Variants in ZNF385A observed in about 807,000 individuals in gnomAD.
ZNF385A encodes hematopoietic zinc finger protein.
A neutral mutation model predicts 32.1 loss-of-function variants in ZNF385A; 14 were observed. The ratio of observed to expected loss-of-function variants is 0.44; its 90% CI spans 0.29 to 0.68. The LOEUF is 0.68. Among genes scored for constraint, ZNF385A ranks in the 30% least tolerant of loss-of-function variants. The pLI, the probability that ZNF385A is intolerant of heterozygous loss-of-function variation, is 0.14. For missense variants in ZNF385A, 406 were observed against 478.4 expected (o/e 0.85, Z 1.41); for synonymous variants, 197 against 202.7 (o/e 0.97, Z 0.24).
At chr12:54,382,492 C>T (rs536639945) in intron 1 of ZNF385A, among the ~76,000 whole-genome samples, 1 of 152,248 alleles carries the variant, frequency 6.6e-6, no homozygotes, top group Non-Finnish European at 1.5e-5. Context: ...CAAATCATAC[C>T]TTAGGCACAT....
chr12:54,373,330 G>A (rs948516599), intron 3 of ZNF385A, among the ~76,000 whole-genome samples: 1 of 152,070 alleles, frequency 6.6e-6, no homozygotes, highest in Admixed American at 6.5e-5. Flanking sequence ...CAGGATGGGG[G>A]TGGCTCATCA....
Position 54,375,936 on chromosome 12 carries a change from C to A in ZNF385A, c.106G>T (p.Ala36Ser). The A allele has an allele frequency of 6.2e-7, 1 of 1,614,120 alleles. No individual in the cohort carries two copies. Among genetic ancestry groups the A allele is most frequent in the Non-Finnish European group, 8.5e-7 (1 of 1,180,004 alleles). ...NYSTMDPVQK[A>S]VLSHTFGGPL... ...CCCCCAAAAGTGTGGGAGAGCACAG[C>A]CTTCTGCACAGGGTCCATCTGTGGA... is the stretch of plus-strand genomic sequence containing the variant. The change falls in exon 2 of 7, where the codon GCT becomes TCT. Residue 36 changes from alanine to serine, a missense_variant. By Grantham distance (99) the Ala-to-Ser change is moderately conservative. Coordinates refer to ENST00000394313, the MANE Select transcript of ZNF385A (RefSeq NM_015481.3).
chr12:54,374,104 C>T lies in ZNF385A; in HGVS notation c.230G>A (p.Arg77His). 6.3e-7 allele frequency: 1 copy of T among 1,581,816 alleles called. No individual in the cohort carries two copies. The highest frequency in any genetic ancestry group is 2.3e-5 in the East Asian group (1 of 44,080). ...SQAEAHYKGN[R>H]HARRVKGIEA... ...AATGCCTTTGACTCGTCGGGCGTGG[C>T]GATTACCTTTGTAGTGCGCCTCAGC... The change falls in exon 3 of 7, where the codon CGC becomes CAC. Residue 77 changes from arginine (R) to histidine (H), a missense_variant. Arg to His is a conservative substitution (Grantham distance 29). Coordinates refer to ENST00000394313, the MANE Select transcript of ZNF385A (RefSeq NM_015481.3).
At chr12:54,379,263 G>C (rs1955012991) in intron 1 of ZNF385A, 1 of 911,942 alleles carries the variant, frequency 1.1e-6, no homozygotes, top group African/African-American at 1.8e-5. Flanking sequence ...GCGGGGCCGA[G>C]GACGGGGGCG....
rs1313109896 is a variant in ZNF385A at position 54,375,094 on chromosome 12, A to G, written c.198+750T>C. 4.0e-5 allele frequency among the ~76,000 whole-genome samples: 6 copies of G among 151,658 alleles called. 1 individual carries two copies. The highest frequency in any genetic ancestry group is 2.0e-4 in the Admixed American group (3 of 15,240). Reference sequence around the variant, plus strand: ...TGTGTGTGTGTGTGTGTGTCTCTGTACTGGGTAGAGAAACAGAACATGCTT... The same window carrying G: ...TGTGTGTGTGTGTGTGTGTCTCTGTGCTGGGTAGAGAAACAGAACATGCTT... On this transcript the variant is annotated intron_variant, in intron 2 of 6. Coordinates refer to ENST00000394313, the MANE Select transcript of ZNF385A (RefSeq NM_015481.3).
chr12:54,379,599 C>G (rs1031342965), intron 1 of ZNF385A, among the ~76,000 whole-genome samples: 2 of 152,104 alleles, frequency 1.3e-5, no homozygotes, highest in African/African-American at 4.8e-5. Context: ...AACGGCGGCC[C>G]CTATGCTGCT....
In ZNF385A at chr12:54,374,030, C is replaced by T. The variant is rs773862097; in HGVS notation, c.304G>A (p.Asp102Asn). ...GGGGTGCTGCCTGGGGGAGCTGGGT[C>T]TCCAGGTTCTCGGACGCCAGGCTCC... is the stretch of plus-strand genomic sequence containing the variant. ...GREPGVREPG[D>N]PAPPGSTPTN... Residue 102 changes from aspartate (D) to asparagine (N), a missense_variant, in exon 3 of 7, where the codon GAC (aspartate) becomes AAC (asparagine). Physicochemically the swap from Asp to Asn is conservative, Grantham distance 23. Coordinates refer to ENST00000394313, the MANE Select transcript of ZNF385A (RefSeq NM_015481.3). 4 of 1,599,138 alleles carry T rather than the reference C, an allele frequency of 2.5e-6. No individual in the cohort carries two copies. The African/African-American group carries it at 4.0e-5, about 16-fold the overall frequency.
At chr12:54,391,054 AAAGAGGGG>A (rs942043837) in intron 1 of ZNF385A, among the ~76,000 whole-genome samples, 41 of 151,938 alleles carry the variant, frequency 2.7e-4, no homozygotes, top group African/African-American at 9.4e-4. Flanking sequence ...GCAGCCTGGG[AAAGAGGGG>A]AAGAGGGGAA....
intron 3 of ZNF385A, among the ~76,000 whole-genome samples, chr12:54,372,011 C>T (rs1200312887): frequency 6.6e-6 from 1 of 152,202 alleles, no homozygotes; most frequent in Non-Finnish European, 1.5e-5. Flanking sequence ...GGGGGAGAGG[C>T]ATGCAACAAG....
At chr12:54,388,046 A>T (rs1044291214), upstream of ZNF385A, among the ~76,000 whole-genome samples, 3 of 140,426 alleles carry the variant, frequency 2.1e-5, no homozygotes, top group Non-Finnish European at 3.1e-5. Context: ...AGTGTGTGTA[A>T]GTGTGTGTGT....
rs375778385 is a variant in ZNF385A, at chr12:54,384,529, G to A, written c.-15C>T. Reference sequence around the variant, plus strand: ...GGGGGCTGCATGATCGGGGGCTGCCGTAGCAGAGGCAGGGGCCCTGCCCGG... The same window carrying A: ...GGGGGCTGCATGATCGGGGGCTGCCATAGCAGAGGCAGGGGCCCTGCCCGG... On this transcript the variant is annotated 5_prime_UTR_variant, in exon 1 of 7. In the 5' UTR this introduces an upstream ATG that the reference lacks. Coordinates refer to ENST00000394313, the MANE Select transcript of ZNF385A (RefSeq NM_015481.3). 11 of 1,513,466 alleles carry A rather than the reference G, an allele frequency of 7.3e-6. No individual in the cohort carries two copies. Among genetic ancestry groups the A allele is most frequent in the East Asian group, 5.1e-5 (2 of 38,996 alleles). 93.8% of individuals were successfully genotyped at this position (1,513,466 alleles called of 1,614,324 possible).
In ZNF385A at chr12:54,370,140, G is replaced by C. The variant is rs570607338; in HGVS notation, c.*116C>G. ...CCTGGAACCCCGTATCTCGGGGTGG[G>C]GGGGGGGAAGGAGAGATCATTTAGG... On this transcript the variant is annotated 3_prime_UTR_variant, in exon 7 of 7. Transcript: ENST00000394313. This position sits in a 1 kb window ranked among gnomAD's most constrained non-coding sequence, Gnocchi z 5.5. 1.8e-5 allele frequency: 14 copies of C among 782,726 alleles called. No individual in the cohort carries two copies. The Admixed American group carries it at 1.9e-4, about 11-fold the overall frequency. 48.5% of individuals were successfully genotyped at this position (782,726 alleles called of 1,614,324 possible). A position where few individuals can be genotyped will look rare whatever the true frequency, so the allele number is the denominator to read the frequency against.
rs1175568031 is a variant in ZNF385A at position 54,371,598 on chromosome 12, G to T, written c.479C>A (p.Thr160Asn). The T allele has an allele frequency of 2.5e-6, 4 of 1,613,616 alleles. No individual in the cohort carries two copies. The South Asian group carries it at 3.3e-5, about 13-fold the overall frequency. The change falls in exon 4 of 7, where the codon ACT (threonine) becomes AAT (asparagine). Residue 160 changes from threonine to asparagine, a missense_variant. By Grantham distance (65) the Thr-to-Asn change is moderately conservative. Coordinates refer to ENST00000394313, the MANE Select transcript of ZNF385A (RefSeq NM_015481.3). ...GQGVTKGEGG[T>N]PAPASLPGGS... ...CCCAGGCAAGGAAGCCGGGGCTGGA[G>T]TCCCCCCTTCACCCTTGGTTACACC...
intron 1 of ZNF385A, 73 bp from the exon 2 acceptor site, chr12:54,376,027 C>CTG: frequency 7.9e-7 from 1 of 1,265,482 alleles, no homozygotes; most frequent in South Asian, 1.2e-5. Context: ...ACACAGATAT[C>CTG]TGTGTTGAAC....
upstream of ZNF385A, chr12:54,384,841 C>T: frequency 8.5e-7 from 1 of 1,182,140 alleles, no homozygotes; most frequent in Non-Finnish European, 1.0e-6. Flanking sequence ...ACATTACAGA[C>T]CCAGTAAGAG....
intron 3 of ZNF385A, chr12:54,372,806 A>G: frequency 6.2e-6 from 1 of 161,522 alleles, no homozygotes; most frequent in Non-Finnish European, 1.4e-5. Flanking sequence ...TGGGAGGCTG[A>G]GGTGGGCAGA....
intron 3 of ZNF385A, 98 bp from the exon 4 acceptor site, chr12:54,371,813 A>G: frequency 2.6e-6 from 4 of 1,544,870 alleles, no homozygotes; most frequent in Non-Finnish European, 3.5e-6. Context: ...AGGGCAAGGG[A>G]CCAGGAGTCC....
chr12:54,388,546 A>T (rs1955553134), upstream of ZNF385A, among the ~76,000 whole-genome samples: 1 of 152,204 alleles, frequency 6.6e-6, no homozygotes, highest in South Asian at 2.1e-4. Flanking sequence ...GTGTTAGTAT[A>T]GGGCTGTGGG....
chr12:54,389,582 G>A (rs1258826197), upstream of ZNF385A, among the ~76,000 whole-genome samples: 1 of 152,224 alleles, frequency 6.6e-6, no homozygotes, highest in African/African-American at 2.4e-5. Context: ...TCAGGCTCCA[G>A]CAAGCAGGTC....
Sources: allele counts gnomAD v4.1 joint callset (sites outside exome capture counted in the v4.1 genomes callset), GRCh38; gene constraint gnomAD v4.1.1; non-coding constraint Gnocchi (gnomAD v3.1); transcripts MANE v1.5; gene names NCBI Gene and HGNC (gene_info 2026-07-23, HGNC 2026-07-21).